Variants in QSER1 observed in about 807,000 individuals in gnomAD.
QSER1 encodes glutamine and serine rich 1.
Under a neutral mutation model 158.5 loss-of-function variants are expected in QSER1, and 49 were observed. That is an observed-to-expected ratio of 0.31 (90% CI 0.25 to 0.39). The LOEUF (loss-of-function observed/expected upper bound fraction) is 0.39. Ranked by LOEUF, QSER1 falls within the 10% of genes least tolerant of loss-of-function variation. The pLI, the probability that QSER1 is intolerant of heterozygous loss-of-function variation, is 1.00. For synonymous variants in QSER1, 650 were observed against 715.5 expected (o/e 0.91, Z 1.46); for missense variants, 1,754 against 2,010.3 (o/e 0.87, Z 2.44).
rs1221820655 is a variant in QSER1, at chr11:32,979,983, C to A, written c.*3509C>A. The stretch of plus-strand genomic sequence containing the variant: ...CCAGGATAACTGCTTCTGTGTCAGT[C>A]GCATTTGACGCATAACTGCACAAAT... On this transcript the variant is annotated 3_prime_UTR_variant, in exon 13 of 13. Transcript: ENST00000650167. The A allele has an allele frequency of 6.6e-6, 1 of 152,410 alleles. No homozygotes were observed. The highest frequency in any genetic ancestry group is 2.4e-5 in the African/African-American group (1 of 41,436). The allele number at this position is 152,410 out of a possible 1,614,324, so 9.4% of individuals were successfully genotyped here. A position where few individuals can be genotyped will look rare whatever the true frequency, so the allele number is the denominator to read the frequency against.
intron 4 of QSER1, among the ~76,000 whole-genome samples, chr11:32,948,038 A>G (rs1214682193): frequency 1.3e-5 from 2 of 152,266 alleles, no homozygotes; most frequent in Admixed American, 1.3e-4. Context: ...CACAGATTTG[A>G]AAATGCAGAC....
chr11:32,931,711 T>C, intron 3 of QSER1, 32 bp from the exon 4 acceptor site: 5 of 1,486,232 alleles, frequency 3.4e-6, no homozygotes, highest in Non-Finnish European at 4.6e-6. Flanking sequence ...GTGCCATAAT[T>C]ACATAAAAAT....
chr11:32,917,968 T>C (rs1424290224), intron 1 of QSER1, among the ~76,000 whole-genome samples: 1 of 152,172 alleles, frequency 6.6e-6, no homozygotes, highest in Non-Finnish European at 1.5e-5. Flanking sequence ...AATCCTGATA[T>C]AATGCCTAAA....
intron 1 of QSER1, chr11:32,926,719 A>G (rs1476346660): frequency 6.6e-6 from 1 of 152,200 alleles, no homozygotes. Context: ...ATTCCATAGA[A>G]TACTATAATT....
intron 1 of QSER1, among the ~76,000 whole-genome samples, chr11:32,916,783 T>A (rs1016407417): frequency 8.5e-4 from 4 of 4,690 alleles, no homozygotes; most frequent in Non-Finnish European, 1.2e-3. Context: ...CATGACTCTA[T>A]TTTTTTTTTT....
At chr11:32,956,205 T>C (rs1852509191) in intron 7 of QSER1, 84 bp downstream of exon 7, 9 of 1,239,268 alleles carry the variant, frequency 7.3e-6, no homozygotes, top group Admixed American at 2.3e-5. Context: ...GCATATCAAT[T>C]AAATAGATTT....
intron 1 of QSER1, among the ~76,000 whole-genome samples, chr11:32,916,196 C>T (rs551938216): frequency 3.6e-4 from 55 of 152,210 alleles, no homozygotes; most frequent in Admixed American, 1.1e-3. Flanking sequence ...CCACCGCGCT[C>T]GGCTGGATGA....
intron 4 of QSER1, among the ~76,000 whole-genome samples, chr11:32,940,790 A>C (rs1022520791): frequency 6.6e-5 from 10 of 151,946 alleles, no homozygotes; most frequent in Non-Finnish European, 8.8e-5. Context: ...TCTTCCTCTA[A>C]ATGATTATTT....
At chr11:32,895,924 G>A (rs1007063456) in intron 1 of QSER1, among the ~76,000 whole-genome samples, 3 of 152,228 alleles carry the variant, frequency 2.0e-5, no homozygotes, top group Non-Finnish European at 2.9e-5. Context: ...AAATAGAGTG[G>A]GAAACTCCAG....
In QSER1 at chr11:32,908,576, A is replaced by G. The variant is rs552024286; in HGVS notation, c.209+15242A>G. On this transcript the variant is annotated intron_variant, in intron 1 of 12. Coordinates refer to ENST00000650167, the MANE Select transcript of QSER1 (RefSeq NM_001076786.3). Reference sequence around the variant, plus strand: ...CAACTTGAGTGTATCATTTGTACAAAATAGGATTTTTGGTAAAGATCATTA... The same window carrying G: ...CAACTTGAGTGTATCATTTGTACAAGATAGGATTTTTGGTAAAGATCATTA... Among the ~76,000 whole-genome samples the G allele has an allele frequency of 1.3e-4, 20 of 152,336 alleles. No individual in the cohort carries two copies. In the South Asian group the frequency reaches 3.3e-3, roughly 25 times the overall value.
rs1427076775 is a variant in QSER1, at chr11:32,955,266, TG to T, written c.4501-29del. ...AGATCTAAAATATGTTGCTGTGTTT[TG>T]TAAGTATCATTAATTCTGGTTATTA... is the stretch of plus-strand genomic sequence containing the variant. On this transcript the variant is annotated intron_variant, in intron 5 of 12. Transcript: ENST00000650167. 3.4e-6 allele frequency: 4 copies of T among 1,179,464 alleles called. No individual in the cohort carries two copies. In the South Asian group the frequency reaches 5.3e-5, roughly 16 times the overall value. 73.1% of individuals were successfully genotyped at this position (1,179,464 alleles called of 1,614,324 possible).
In QSER1 at chr11:32,932,476, T is replaced by G. The variant is rs1590165818; in HGVS notation, c.1218T>G (p.Thr406=). 1 of 1,613,810 alleles carries G rather than the reference T, an allele frequency of 6.2e-7. No individual in the cohort carries two copies. Among genetic ancestry groups the G allele is most frequent in the Non-Finnish European group, 8.5e-7 (1 of 1,180,020 alleles). ...CATCATCAGGGTATCCTCCTTCTAC[T>G]ACAAAAATAAAAAGCTGTTCTACAG... ...AIPSSGYPPS[T]TKIKSCSTEQ... is the part of the protein sequence containing the mutation. The change falls in exon 4 of 13, where the codon ACT becomes ACG. Residue 406 remains threonine (T), a synonymous_variant. Coordinates refer to ENST00000650167, the MANE Select transcript of QSER1 (RefSeq NM_001076786.3).
In QSER1 at chr11:32,935,222, C is replaced by A. The variant is rs1233781294; in HGVS notation, c.3964C>A (p.Pro1322Thr). The A allele has an allele frequency of 3.7e-6, 6 of 1,613,826 alleles. No individual in the cohort carries two copies. The highest frequency in any genetic ancestry group is 5.1e-6 in the Non-Finnish European group (6 of 1,179,914). Residue 1322 changes from proline to threonine, a missense_variant, in exon 4 of 13, where the codon CCC (proline) becomes ACC (threonine). This residue lies in a region of QSER1 where 1,707 missense variants were observed against 1,919.6 expected (regional missense o/e 0.89). Coordinates refer to ENST00000650167, the MANE Select transcript of QSER1 (RefSeq NM_001076786.3). ...TCGTACATTTTGTCCCCCACCACTT[C>A]CCAAGCCTTCATCTACAACACCCAC... ...MVRTFCPPPL[P>T]KPSSTTPTPL... is the part of the protein sequence containing the mutation.
At chr11:32,907,564 A>C (rs1007107600) in intron 1 of QSER1, among the ~76,000 whole-genome samples, 2 of 152,248 alleles carry the variant, frequency 1.3e-5, no homozygotes, top group African/African-American at 4.8e-5. Flanking sequence ...GCTGAAAAAA[A>C]CATTTCGTAG....
intron 3 of QSER1, among the ~76,000 whole-genome samples, chr11:32,929,143 ACT>A: frequency 6.6e-6 from 1 of 152,030 alleles, no homozygotes; most frequent in Non-Finnish European, 1.5e-5. Flanking sequence ...ACAGAGTGTC[ACT>A]CTGTCGCCCA....
chr11:32,900,389 T>C (rs1409884521), intron 1 of QSER1, among the ~76,000 whole-genome samples: 1 of 152,008 alleles, frequency 6.6e-6, no homozygotes, highest in East Asian at 1.9e-4. Context: ...CAAAACCCTG[T>C]CTCTACTAAA....
chr11:32,933,206 T>C lies in QSER1; in HGVS notation c.1948T>C (p.Ser650Pro), dbSNP rs763667669. The change falls in exon 4 of 13, where the codon TCA (serine) becomes CCA (proline). Residue 650 changes from serine to proline, a missense_variant. Physicochemically the swap from Ser to Pro is moderately conservative, Grantham distance 74. Coordinates refer to ENST00000650167, the MANE Select transcript of QSER1 (RefSeq NM_001076786.3). ...QSQKFLPAVQ[S>P]SSFASSTHCQ... ...CCAGAAGTTTTTGCCTGCTGTCCAG[T>C]CATCATCTTTTGCATCCTCTACTCA... is the stretch of plus-strand genomic sequence containing the variant. The C allele has an allele frequency of 6.8e-6, 11 of 1,614,020 alleles. No individual in the cohort carries two copies. The highest frequency in any genetic ancestry group is 7.6e-6 in the Non-Finnish European group (9 of 1,179,978).
chr11:32,966,430 G>T lies in QSER1; in HGVS notation c.5100G>T (p.Lys1700Asn). 6.2e-7 allele frequency: 1 copy of T among 1,613,084 alleles called. No homozygotes were observed. The highest frequency in any genetic ancestry group is 8.5e-7 in the Non-Finnish European group (1 of 1,179,628). The change falls in exon 9 of 13, where the codon AAG becomes AAT. Residue 1700 changes from lysine (K) to asparagine (N), a missense_variant. Transcript: ENST00000650167. ...LDPDTMQALE[K>N]SNDELLLPHM... Reference sequence around the variant, plus strand: ...CTGACACAATGCAAGCCTTAGAGAAGAGCAATGGTACAGTCTTCTAAGTAG... The same window carrying T: ...CTGACACAATGCAAGCCTTAGAGAATAGCAATGGTACAGTCTTCTAAGTAG...
chr11:32,893,007 G>C lies in QSER1; in HGVS notation c.-119G>C, dbSNP rs1230258464. On this transcript the variant is annotated 5_prime_UTR_variant, in exon 1 of 13. Coordinates refer to ENST00000650167, the MANE Select transcript of QSER1 (RefSeq NM_001076786.3). The surrounding 1 kb of genome is among the most constrained non-coding windows in gnomAD (Gnocchi z 4.7). ...CTCGCCGGGGCCATGTGAGGGGGCA[G>C]CTCCCTCCACCGCCGCCGCCCCCTC... Among the ~76,000 whole-genome samples, 1 of 147,796 alleles carries C rather than the reference G, an allele frequency of 6.8e-6. No individual in the cohort carries two copies. Among genetic ancestry groups the C allele is most frequent in the Non-Finnish European group, 1.5e-5 (1 of 66,324 alleles).
Sources: allele counts gnomAD v4.1 joint callset (sites outside exome capture counted in the v4.1 genomes callset), GRCh38; gene constraint gnomAD v4.1.1; regional missense constraint gnomAD v4.1.1; non-coding constraint Gnocchi (gnomAD v3.1); transcripts MANE v1.5; gene names NCBI Gene and HGNC (gene_info 2026-07-23, HGNC 2026-07-21).